Variants in SLC14A2 observed in about 807,000 individuals in gnomAD.
SLC14A2 encodes solute carrier family 14 member 2.
SLC14A2 carries 91 observed loss-of-function variants against 104.6 expected under a neutral mutation model. The observed-to-expected ratio is 0.87, with a 90% confidence interval of 0.73 to 1.04. The LOEUF is 1.04. SLC14A2 is among the 50% of genes least tolerant of loss of function. The pLI is 0.00. For missense variants in SLC14A2, 1,189 were observed against 1,156.0 expected (o/e 1.03, Z -0.41); for synonymous variants, 476 against 466.4 (o/e 1.02, Z -0.27).
intron 10 of SLC14A2, among the ~76,000 whole-genome samples, chr18:45,655,595 G>A (rs1348588575): frequency 6.6e-6 from 1 of 151,794 alleles, no homozygotes; most frequent in African/African-American, 2.4e-5. Context: ...GGATCAATTA[G>A]CTACGTCTGC....
chr18:45,202,708 G>A, the SLC14A2 span, among the ~76,000 whole-genome samples: 2 of 152,072 alleles, frequency 1.3e-5, no homozygotes, highest in East Asian at 1.9e-4. Flanking sequence ...TATGGGAAGT[G>A]GTTCTCTTGA....
At chr18:45,172,460 C>A in the SLC14A2 span, among the ~76,000 whole-genome samples, 1 of 152,094 alleles carries the variant, frequency 6.6e-6, no homozygotes, top group Non-Finnish European at 1.5e-5. Flanking sequence ...TTTCTGGCAA[C>A]CCTGAGCCTA....
chr18:45,479,247 C>T (rs2087447002), intron 1 of SLC14A2, among the ~76,000 whole-genome samples: 1 of 152,174 alleles, frequency 6.6e-6, no homozygotes. Flanking sequence ...CAATTTTCCT[C>T]CCCTAAATCT....
intron 1 of SLC14A2, among the ~76,000 whole-genome samples, chr18:45,413,016 T>TA (rs1382804805): frequency 1.3e-5 from 2 of 152,206 alleles, no homozygotes; most frequent in Non-Finnish European, 2.9e-5. Context: ...GAAACCATCT[T>TA]AAGGTTGTCC....
At chr18:45,444,820 T>A (rs2086738244) in intron 1 of SLC14A2, among the ~76,000 whole-genome samples, 1 of 152,144 alleles carries the variant, frequency 6.6e-6, no homozygotes, top group Non-Finnish European at 1.5e-5. Flanking sequence ...AGGGAGCCTA[T>A]GAGAGGTGGA....
At chr18:45,536,738 C>T (rs1158135286) in intron 2 of SLC14A2, among the ~76,000 whole-genome samples, 1 of 152,150 alleles carries the variant, frequency 6.6e-6, no homozygotes, top group African/African-American at 2.4e-5. Context: ...AAAAAAGCTG[C>T]ATATGAATGG....
intron 17 of SLC14A2, 73 bp from the exon 18 acceptor site, chr18:45,673,610 G>A: frequency 1.3e-6 from 2 of 1,536,102 alleles, no homozygotes. Context: ...TGAGGACTGT[G>A]GTAGGTTTCA....
intron 2 of SLC14A2, among the ~76,000 whole-genome samples, chr18:45,524,578 C>T (rs1247828219): frequency 2.6e-5 from 4 of 152,174 alleles, no homozygotes; most frequent in Non-Finnish European, 4.4e-5. Context: ...GTTCCCTATC[C>T]AGCCCTATAT....
At chr18:45,211,582 C>T (rs1329793796), upstream of SLC14A2, among the ~76,000 whole-genome samples, 1 of 152,166 alleles carries the variant, frequency 6.6e-6, no homozygotes, top group Non-Finnish European at 1.5e-5. Context: ...TCTCTTTCCT[C>T]CTTCTTACTC....
chr18:45,572,001 C>G (rs561756953), intron 2 of SLC14A2, among the ~76,000 whole-genome samples: 1 of 152,194 alleles, frequency 6.6e-6, no homozygotes, highest in African/African-American at 2.4e-5. Context: ...CATCCTGGAC[C>G]AATTAAACCA....
At chr18:45,655,447 C>G (rs2045818582) in intron 10 of SLC14A2, among the ~76,000 whole-genome samples, 1 of 152,212 alleles carries the variant, frequency 6.6e-6, no homozygotes, top group Non-Finnish European at 1.5e-5. Flanking sequence ...TGGACCCCTT[C>G]TCTCAAATGT....
chr18:45,171,922 TG>T, the SLC14A2 span, among the ~76,000 whole-genome samples: 1 of 152,264 alleles, frequency 6.6e-6, no homozygotes, highest in African/African-American at 2.4e-5. Flanking sequence ...TAGCCCTCGG[TG>T]GGGCAAATCA....
chr18:45,445,933 A>G (rs1240487566), intron 1 of SLC14A2, among the ~76,000 whole-genome samples: 2 of 152,236 alleles, frequency 1.3e-5, no homozygotes, highest in African/African-American at 4.8e-5. Context: ...TCTTTTGGGA[A>G]ATAACCACTG....
chr18:45,422,278 G>A (rs1402537977), intron 1 of SLC14A2, among the ~76,000 whole-genome samples: 1 of 152,112 alleles, frequency 6.6e-6, no homozygotes, highest in Non-Finnish European at 1.5e-5. Flanking sequence ...TTGAAAATGA[G>A]GTATGAGAAG....
intron 1 of SLC14A2, among the ~76,000 whole-genome samples, chr18:45,300,573 AGAT>A (rs778298889): frequency 4.6e-5 from 7 of 152,228 alleles, no homozygotes; most frequent in Non-Finnish European, 8.8e-5. Context: ...TCACTGGGAT[AGAT>A]GATGCAGGGG....
upstream of SLC14A2, among the ~76,000 whole-genome samples, chr18:45,211,609 G>T (rs2083962406): frequency 6.6e-6 from 1 of 151,516 alleles, no homozygotes; most frequent in African/African-American, 2.4e-5. Context: ...TCTTCTTTCT[G>T]CTCTCTCCCT....
intron 1 of SLC14A2, among the ~76,000 whole-genome samples, chr18:45,344,523 C>T (rs1224025720): frequency 6.6e-6 from 1 of 152,136 alleles, no homozygotes; most frequent in Non-Finnish European, 1.5e-5. Flanking sequence ...TACAAATAAA[C>T]AACCAGATGA....
At chr18:45,624,277 C>A (rs1236278784) in intron 1 of SLC14A2, among the ~76,000 whole-genome samples, 1 of 152,138 alleles carries the variant, frequency 6.6e-6, no homozygotes, top group African/African-American at 2.4e-5. Context: ...GTGTACGTAT[C>A]AAGGGGAACA....
intron 2 of SLC14A2, among the ~76,000 whole-genome samples, chr18:45,558,893 C>T (rs1342850120): frequency 6.6e-6 from 1 of 152,128 alleles, no homozygotes; most frequent in African/African-American, 2.4e-5. Flanking sequence ...TGGGTTCAAT[C>T]GATTCCTCTG....
Sources: allele counts gnomAD v4.1 joint callset (sites outside exome capture counted in the v4.1 genomes callset), GRCh38; gene constraint gnomAD v4.1.1; transcripts MANE v1.5; gene names NCBI Gene and HGNC (gene_info 2026-07-23, HGNC 2026-07-21).